The following PIK3C2G variants were observed in gnomAD, a reference collection of about 807,000 sequenced individuals.
The protein encoded by PIK3C2G is phosphatidylinositol-4-phosphate 3-kinase catalytic subunit type 2 gamma, also known as phosphatidylinositol 3-kinase C2 domain-containing subunit gamma.
A neutral mutation model predicts 181.1 loss-of-function variants in PIK3C2G; 168 were observed. The ratio of observed to expected loss-of-function variants is 0.93; its 90% CI spans 0.82 to 1.05. PIK3C2G has a LOEUF of 1.05. PIK3C2G is among the 50% of genes least tolerant of loss of function. The pLI is 0.00. For missense variants in PIK3C2G, 1,869 were observed against 1,732.8 expected (o/e 1.08, Z -1.40); for synonymous variants, 573 against 592.2 (o/e 0.97, Z 0.47).
intron 16 of PIK3C2G, among the ~76,000 whole-genome samples, chr12:18,411,628 A>G (rs1032302036): frequency 2.0e-5 from 3 of 152,210 alleles, no homozygotes; most frequent in African/African-American, 4.8e-5. Context: ...CAGACTCAAA[A>G]TCTGTTGGAG....
chr12:18,712,096 T>C, the PIK3C2G span, among the ~76,000 whole-genome samples: 5 of 152,118 alleles, frequency 3.3e-5, no homozygotes, highest in African/African-American at 1.2e-4. Flanking sequence ...CATTACACAG[T>C]TTTAGTACGT....
the PIK3C2G span, among the ~76,000 whole-genome samples, chr12:18,716,200 T>C: frequency 6.6e-6 from 1 of 151,958 alleles, no homozygotes; most frequent in African/African-American, 2.4e-5. Context: ...AGAGTATGAG[T>C]TCTCTGGAGT....
At chr12:18,598,906 A>C (rs1947537013) in intron 30 of PIK3C2G, among the ~76,000 whole-genome samples, 1 of 152,052 alleles carries the variant, frequency 6.6e-6, no homozygotes, top group East Asian at 1.9e-4. Context: ...AATGCTCACC[A>C]TCACTGGCCA....
At chr12:18,662,284 A>G in the PIK3C2G span, among the ~76,000 whole-genome samples, 3 of 144,832 alleles carry the variant, frequency 2.1e-5, no homozygotes, top group African/African-American at 4.9e-5. Context: ...CCTATGTAGC[A>G]AACCTGAACA....
At chr12:18,490,021 C>T (rs1339077571) in intron 19 of PIK3C2G, among the ~76,000 whole-genome samples, 1 of 152,096 alleles carries the variant, frequency 6.6e-6, no homozygotes, top group Non-Finnish European at 1.5e-5. Context: ...TATAATTTCT[C>T]ACAATTTAAG....
At position 18,640,413 on chromosome 12, in the gene PIK3C2G, C is replaced by T. The variant is rs375590615; in HGVS notation, c.4183-16C>T. The T allele has an allele frequency of 2.5e-6, 4 of 1,601,554 alleles. No homozygotes were observed. Among genetic ancestry groups the T allele is most frequent in the Non-Finnish European group, 3.4e-6 (4 of 1,172,862 alleles). On this transcript the variant is annotated splice_polypyrimidine_tract_variant and intron_variant, in intron 31 of 32. Transcript: ENST00000538779. ...TAGCAACATGCATTAATATTTATAA[C>T]CATTTTCCTTTGCAGCATCTCCCAG...
chr12:18,671,812 T>C, the PIK3C2G span, among the ~76,000 whole-genome samples: 1 of 152,268 alleles, frequency 6.6e-6, no homozygotes, highest in Middle Eastern at 3.4e-3. Flanking sequence ...CTACAAACAA[T>C]AGAAATTGAT....
chr12:18,687,130 C>A, the PIK3C2G span, among the ~76,000 whole-genome samples: 1 of 152,042 alleles, frequency 6.6e-6, no homozygotes, highest in Non-Finnish European at 1.5e-5. Flanking sequence ...TCATCAATAT[C>A]CCTTCCCATT....
chr12:18,605,383 A>G (rs1947963226), intron 30 of PIK3C2G, among the ~76,000 whole-genome samples: 1 of 152,174 alleles, frequency 6.6e-6, no homozygotes, highest in Admixed American at 6.5e-5. Context: ...TGAGATTAAA[A>G]TGGTAGTTAA....
the PIK3C2G span, among the ~76,000 whole-genome samples, chr12:18,699,210 C>A: frequency 3.3e-5 from 5 of 152,162 alleles, no homozygotes; most frequent in Non-Finnish European, 7.3e-5. Flanking sequence ...GCCTGGGCGC[C>A]ATTTCTTCCC....
intron 18 of PIK3C2G, among the ~76,000 whole-genome samples, chr12:18,471,276 T>C (rs1938432755): frequency 6.6e-6 from 1 of 152,098 alleles, no homozygotes; most frequent in Non-Finnish European, 1.5e-5. Flanking sequence ...ATGTACAAAA[T>C]GGGCATTCGG....
At position 18,293,885 on chromosome 12, in the gene PIK3C2G, T is replaced by C. The variant is rs1327062499; in HGVS notation, c.920-16T>C. ...ATACACTTTTATTGACTTTTATTATTCCTCTTTTTCTTTAGCTAATTATCT... is the reference window on the plus strand; with the variant it reads ...ATACACTTTTATTGACTTTTATTATCCCTCTTTTTCTTTAGCTAATTATCT... On this transcript the variant is annotated splice_polypyrimidine_tract_variant and intron_variant, in intron 4 of 32. Transcript: ENST00000538779. The C allele has an allele frequency of 8.1e-7, 1 of 1,241,918 alleles. No individual in the cohort carries two copies. The highest frequency in any genetic ancestry group is 1.5e-5 in the African/African-American group (1 of 67,990). The allele number at this position is 1,241,918 out of a possible 1,614,324, so 76.9% of individuals were successfully genotyped here.
At chr12:18,459,464 A>G (rs1022518511) in intron 18 of PIK3C2G, among the ~76,000 whole-genome samples, 3 of 152,206 alleles carry the variant, frequency 2.0e-5, no homozygotes, top group Non-Finnish European at 4.4e-5. Flanking sequence ...TCTCAAATAA[A>G]TGTTCATGGG....
intron 5 of PIK3C2G, among the ~76,000 whole-genome samples, chr12:18,303,703 T>G (rs1169594722): frequency 2.0e-5 from 3 of 152,204 alleles, no homozygotes; most frequent in Non-Finnish European, 4.4e-5. Flanking sequence ...TCTTATTAGC[T>G]TCTATGTAAA....
chr12:18,321,917 C>T (rs1040164782), intron 7 of PIK3C2G, among the ~76,000 whole-genome samples: 2 of 152,086 alleles, frequency 1.3e-5, no homozygotes, highest in African/African-American at 4.8e-5. Context: ...GGGAGGGGAA[C>T]AACACACACT....
At chr12:18,547,121 G>A (rs1224379939) in intron 26 of PIK3C2G, among the ~76,000 whole-genome samples, 1 of 151,894 alleles carries the variant, frequency 6.6e-6, no homozygotes, top group Admixed American at 6.6e-5. Context: ...CTTAATTGTG[G>A]TCTTGAGTCT....
chr12:18,372,792 C>T (rs1054912587), intron 13 of PIK3C2G: 35 of 152,244 alleles, frequency 2.3e-4, no homozygotes, highest in African/African-American at 6.5e-4. Flanking sequence ...CAGATGGTTA[C>T]GATAGTAAAA....
At chr12:18,549,354 C>T (rs750829780) in intron 26 of PIK3C2G, among the ~76,000 whole-genome samples, 5 of 151,964 alleles carry the variant, frequency 3.3e-5, no homozygotes, top group East Asian at 3.9e-4. Flanking sequence ...ATTTAAACAT[C>T]AAATATCAAG....
chr12:18,561,748 CA>C (rs376048368), intron 26 of PIK3C2G, among the ~76,000 whole-genome samples: 5,612 of 148,540 alleles, frequency 0.038, 223 homozygotes, highest in African/African-American at 0.1. Flanking sequence ...TTCTTAAATA[CA>C]AAAAAAAACC....
Sources: gnomAD v4.1 joint callset for allele counts (sites outside exome capture counted in the v4.1 genomes callset) on GRCh38, gnomAD v4.1.1 for gene constraint, MANE v1.5 for transcripts, NCBI Gene and HGNC (gene_info 2026-07-23, HGNC 2026-07-21) for gene names.